The following P4HA1 variants were observed in gnomAD, a reference collection of about 807,000 sequenced individuals.
P4HA1 encodes prolyl 4-hydroxylase subunit alpha 1, also known as prolyl 4-hydroxylase subunit alpha-1.
Under a neutral mutation model 72.8 loss-of-function variants are expected in P4HA1, and 24 were observed. The observed-to-expected ratio is 0.33, with a 90% CI of 0.24 to 0.46. P4HA1 has a LOEUF of 0.46. Ranked by LOEUF, P4HA1 falls within the 20% of genes least tolerant of loss-of-function variation. The pLI is 1.00. For synonymous variants in P4HA1, 201 were observed against 218.8 expected, an observed-to-expected ratio of 0.92 and a Z score of 0.72; for missense variants, 446 against 640.6, an observed-to-expected ratio of 0.70 and a Z score of 3.28.
rs981087799 is a variant in P4HA1, at chr10:73,062,612, G to A, written c.463+6234C>T. Among the ~76,000 whole-genome samples, 5 of 152,100 alleles carry A rather than the reference G, an allele frequency of 3.3e-5. No individual in the cohort carries two copies. In the East Asian group the frequency reaches 5.8e-4, roughly 18 times the overall value. The stretch of plus-strand genomic sequence containing the variant: ...GTCCGATAACATCACAAAGAAAACT[G>A]GTAGAGAAACAAACACAACAGTGGT... On this transcript the variant is annotated intron_variant, in intron 5 of 14. Coordinates refer to ENST00000394890, the MANE Select transcript of P4HA1 (RefSeq NM_001017962.3).
At chr10:73,058,324 C>G (rs1564631179) in intron 5 of P4HA1, among the ~76,000 whole-genome samples, 6 of 152,038 alleles carry the variant, frequency 3.9e-5, no homozygotes. Context: ...ACCTCAGTCC[C>G]ACGAATGCCT....
In P4HA1 at chr10:73,074,798, TAAGA is replaced by T. The variant is rs766343277; in HGVS notation, c.76+6_76+9del. 6.9e-7 allele frequency: 1 copy of T among 1,453,244 alleles called. No homozygotes were observed. The highest frequency in any genetic ancestry group is 1.8e-5 in the Admixed American group (1 of 57,134). The allele number at this position is 1,453,244 out of a possible 1,614,324, so 90.0% of individuals were successfully genotyped here. The stretch of plus-strand genomic sequence containing the variant: ...AAAACCAACAAAAAACAACAAGTAG[TAAGA>T]CTTACCAATTGAAGTAAAAAAGCCT... On this transcript the variant is annotated splice_donor_region_variant and intron_variant, in intron 2 of 14. Coordinates refer to ENST00000394890, the MANE Select transcript of P4HA1 (RefSeq NM_001017962.3).
At position 73,021,050 on chromosome 10, in the gene P4HA1, G is replaced by A. The variant is rs1319101053; in HGVS notation, c.1249-4151C>T. On this transcript the variant is annotated intron_variant, in intron 10 of 14. Transcript: ENST00000394890. Reference sequence around the variant, plus strand: ...CACAGGAGGCTGAGGCAGGAGAACTGCATTAACCCAGGAGGTGGAGGTTGC... The same window carrying A: ...CACAGGAGGCTGAGGCAGGAGAACTACATTAACCCAGGAGGTGGAGGTTGC... Among the ~76,000 whole-genome samples the A allele has an allele frequency of 2.6e-5, 4 of 152,120 alleles. No homozygotes were observed. The East Asian group carries it at 7.7e-4, about 29-fold the overall frequency.
chr10:73,009,543 C>G (rs917559692), intron 14 of P4HA1: 1 of 357,840 alleles, frequency 2.8e-6, no homozygotes, highest in Non-Finnish European at 5.3e-6. Context: ...GATTATTAAC[C>G]CTTTGAGGGG....
intron 5 of P4HA1, among the ~76,000 whole-genome samples, chr10:73,068,477 T>C (rs529036716): frequency 1.3e-5 from 2 of 152,166 alleles, no homozygotes; most frequent in South Asian, 4.1e-4. Context: ...CTTTTAATTA[T>C]TTAACATATA....
chr10:73,010,370 A>T (rs1839888320), intron 13 of P4HA1, among the ~76,000 whole-genome samples: 1 of 152,160 alleles, frequency 6.6e-6, no homozygotes, highest in Non-Finnish European at 1.5e-5. Context: ...TCACTTTAAG[A>T]ACCGTTTTTG....
chr10:73,048,420 T>G (rs990678748), intron 7 of P4HA1, among the ~76,000 whole-genome samples: 4 of 152,110 alleles, frequency 2.6e-5, no homozygotes, highest in African/African-American at 4.8e-5. Flanking sequence ...CCTGCCACCA[T>G]GCTCGGCTAA....
chr10:73,085,885 T>G (rs372877910), intron 1 of P4HA1, among the ~76,000 whole-genome samples: 1 of 152,152 alleles, frequency 6.6e-6, no homozygotes, highest in East Asian at 1.9e-4. Context: ...TCTATCTACT[T>G]GGGAGACTGA....
rs1276675153 is a variant in P4HA1 at position 73,051,050 on chromosome 10, T to TAC, written c.900+1_900+2dup. 1 of 1,611,552 alleles carries TAC rather than the reference T, an allele frequency of 6.2e-7. No individual in the cohort carries two copies. The highest frequency in any genetic ancestry group is 8.5e-7 in the Non-Finnish European group (1 of 1,178,250). ...ATACACACAATTGGCTTTTCCACTT[T>TAC]ACCATTTTGATACCCTCCCCACGGC... On this transcript the variant is annotated splice_region_variant and intron_variant, in intron 7 of 14. Coordinates refer to ENST00000394890, the MANE Select transcript of P4HA1 (RefSeq NM_001017962.3).
At chr10:73,070,030 C>T (rs1564633984) in intron 4 of P4HA1, among the ~76,000 whole-genome samples, 1 of 151,546 alleles carries the variant, frequency 6.6e-6, no homozygotes, top group African/African-American at 2.4e-5. Flanking sequence ...GGCTGGTCTC[C>T]AACTCCTGGT....
intron 9 of P4HA1, among the ~76,000 whole-genome samples, chr10:73,038,983 T>C (rs1254801381): frequency 6.6e-6 from 1 of 152,166 alleles, no homozygotes; most frequent in African/African-American, 2.4e-5. Flanking sequence ...GTTAACAGAT[T>C]GTCAGTAACA....
At chr10:73,092,063 G>C (rs77961051) in intron 1 of P4HA1, among the ~76,000 whole-genome samples, 7,768 of 152,074 alleles carry the variant, frequency 0.051, 619 homozygotes, top group African/African-American at 0.17. Context: ...TCAATTATCT[G>C]TTTACTCTAA....
Position 73,008,236 on chromosome 10 carries a change from A to T in P4HA1, c.1591T>A (p.Ser531Thr). ...AAGCCTGTTTGTCATTCCAATTCTG[A>T]CAACGTACAAGGTCTTCGAAATTCT... Reference protein sequence around the residue: ...GQEFRRPCTLSELE With the variant: ...GQEFRRPCTLTELE Residue 531 changes from serine (S) to threonine (T), a missense_variant, in exon 15 of 15, where the codon TCA becomes ACA. By Grantham distance (58) the Ser-to-Thr change is moderately conservative (BLOSUM62 1). Coordinates refer to ENST00000394890, the MANE Select transcript of P4HA1 (RefSeq NM_001017962.3). 2 of 1,605,932 alleles carry T rather than the reference A, an allele frequency of 1.2e-6. No individual in the cohort carries two copies. The highest frequency in any genetic ancestry group is 1.3e-5 in the African/African-American group (1 of 74,820).
chr10:73,036,187 C>CAAAAAAAAAA (rs35435004), intron 9 of P4HA1, among the ~76,000 whole-genome samples: 1 of 84,164 alleles, frequency 1.2e-5, no homozygotes. Flanking sequence ...AACTCCGTCT[C>CAAAAAAAAAA]AAAAAAAAAA....
At chr10:73,070,323 A>T (rs1047261591) in intron 4 of P4HA1, among the ~76,000 whole-genome samples, 3 of 151,532 alleles carry the variant, frequency 2.0e-5, no homozygotes, top group African/African-American at 7.3e-5. Flanking sequence ...GGCCCGGCTA[A>T]CTTTTATATT....
intron 9 of P4HA1, among the ~76,000 whole-genome samples, chr10:73,033,152 C>T (rs1840478963): frequency 6.6e-6 from 1 of 152,146 alleles, no homozygotes; most frequent in Non-Finnish European, 1.5e-5. Flanking sequence ...TGATGGATGT[C>T]TGAACTTTAT....
At chr10:73,081,765 T>C (rs1398077440) in intron 1 of P4HA1, among the ~76,000 whole-genome samples, 1 of 152,250 alleles carries the variant, frequency 6.6e-6, no homozygotes, top group Non-Finnish European at 1.5e-5. Context: ...CCAGGCACAG[T>C]GGCTCACGCC....
intron 3 of P4HA1, among the ~76,000 whole-genome samples, chr10:73,072,889 G>A (rs1200124676): frequency 6.6e-6 from 1 of 152,148 alleles, no homozygotes; most frequent in South Asian, 2.1e-4. Context: ...TATCAGTCAG[G>A]CTGGGTGCGG....
intron 5 of P4HA1, among the ~76,000 whole-genome samples, chr10:73,058,987 A>G (rs2133109776): frequency 6.6e-6 from 1 of 152,154 alleles, no homozygotes; most frequent in East Asian, 1.9e-4. Flanking sequence ...CATATTGGCC[A>G]GGCTGGTCTC....
Sources: allele counts gnomAD v4.1 joint callset (sites outside exome capture counted in the v4.1 genomes callset), GRCh38; gene constraint gnomAD v4.1.1; transcripts MANE v1.5; gene names NCBI Gene and HGNC (gene_info 2026-07-23, HGNC 2026-07-21).